The following THAP6 variants were observed in gnomAD, a reference collection of about 807,000 sequenced individuals.
The protein encoded by THAP6 is THAP domain containing 6, also known as THAP domain-containing protein 6.
THAP6 carries 13 observed loss-of-function variants against 20.0 expected under a neutral mutation model. The observed-to-expected ratio is 0.65, with a 90% CI of 0.42 to 1.03. THAP6 has a LOEUF of 1.03. Among genes scored for constraint, THAP6 ranks in the 50% least tolerant of loss-of-function variants. The pLI, the probability that THAP6 is intolerant of heterozygous loss-of-function variation, is 0.00. For synonymous variants in THAP6, 93 were observed against 92.2 expected, an observed-to-expected ratio of 1.01 and a Z score of -0.05; for missense variants, 262 against 261.6, an observed-to-expected ratio of 1.00 and a Z score of -0.01.
chr4:75,519,763 A>G (rs1449284968), intron 3 of THAP6, among the ~76,000 whole-genome samples: 33 of 151,476 alleles, frequency 2.2e-4, no homozygotes, highest in Non-Finnish European at 4.4e-4. Flanking sequence ...AGTCTTTGCT[A>G]TTGTGAATAA....
At chr4:75,532,175 A>G (rs753426021), downstream of THAP6, among the ~76,000 whole-genome samples, 2 of 152,212 alleles carry the variant, frequency 1.3e-5, no homozygotes, top group Non-Finnish European at 2.9e-5. Flanking sequence ...TCCTAGATAC[A>G]ATGAGGTACA....
chr4:75,517,499 AG>A (rs1725737275), intron 3 of THAP6: 1 of 152,470 alleles, frequency 6.6e-6, no homozygotes, highest in African/African-American at 2.4e-5. Flanking sequence ...TATATTACTA[AG>A]GTTTGATGAA....
chr4:75,513,967 A>C, upstream of THAP6: 3 of 533,510 alleles, frequency 5.6e-6, no homozygotes, highest in Non-Finnish European at 9.5e-6. Context: ...GTGCAAGCCT[A>C]ATCACTTCCC....
intron 4 of THAP6, among the ~76,000 whole-genome samples, chr4:75,523,800 C>CAAAA (rs74684663): frequency 2.5e-4 from 18 of 72,684 alleles, no homozygotes; most frequent in South Asian, 6.0e-4. Flanking sequence ...GAACCTGTCT[C>CAAAA]AAAAAAAAAA....
Position 75,516,947 on chromosome 4 carries a change from C to A in THAP6, c.256C>A (p.Pro86Thr). 6.2e-7 allele frequency: 1 copy of A among 1,613,472 alleles called. No homozygotes were observed. The highest frequency in any genetic ancestry group is 8.5e-7 in the Non-Finnish European group (1 of 1,179,872). Residue 86 changes from proline to threonine, a missense_variant, in exon 3 of 5, where the codon CCT becomes ACT. Pro to Thr is a conservative substitution (Grantham distance 38). Coordinates refer to ENST00000311638, the MANE Select transcript of THAP6 (RefSeq NM_144721.6). ...PNIKLKPGVI[P>T]SIFDSPYHLQ... ...TATTAAACTGAAACCTGGAGTCATA[C>A]CTTCTATCTTTGATTCTCCATATCA... is the stretch of plus-strand genomic sequence containing the variant.
At chr4:75,547,189 A>G (rs796761836) in intron 3 of THAP6, among the ~76,000 whole-genome samples, 1 of 152,256 alleles carries the variant, frequency 6.6e-6, no homozygotes, top group South Asian at 2.1e-4. Flanking sequence ...TTTCACAACT[A>G]TTTGCTGAGT....
At chr4:75,542,238 C>T (rs1188804760) in intron 2 of THAP6, among the ~76,000 whole-genome samples, 5 of 152,208 alleles carry the variant, frequency 3.3e-5, no homozygotes, top group African/African-American at 1.2e-4. Flanking sequence ...CAAATGACTG[C>T]CTCCATCCCT....
upstream of THAP6, chr4:75,514,308 T>G (rs1426984394): frequency 3.1e-6 from 5 of 1,601,464 alleles, no homozygotes; most frequent in South Asian, 5.5e-5. Context: ...CCCCTCACAT[T>G]CCACCGATCC....
intron 2 of THAP6, among the ~76,000 whole-genome samples, chr4:75,537,111 T>C (rs886831854): frequency 6.6e-6 from 1 of 151,678 alleles, no homozygotes; most frequent in African/African-American, 2.4e-5. Flanking sequence ...ACAAGTGTTG[T>C]CAAAAAAAAA....
At chr4:75,516,726 A>G in intron 2 of THAP6, 46 bp from the exon 3 acceptor site, 2 of 1,528,966 alleles carry the variant, frequency 1.3e-6, no homozygotes, top group Non-Finnish European at 1.8e-6. Context: ...TCAATTATAT[A>G]GCAATAGTAT....
At chr4:75,539,812 A>G in intron 2 of THAP6, 1 of 1,535,626 alleles carries the variant, frequency 6.5e-7, no homozygotes, top group Non-Finnish European at 8.7e-7. Flanking sequence ...ACAATGAGCC[A>G]TCCACATACT....
intron 2 of THAP6, among the ~76,000 whole-genome samples, chr4:75,536,502 G>T (rs1726858819): frequency 6.6e-6 from 1 of 152,112 alleles, no homozygotes; most frequent in Non-Finnish European, 1.5e-5. Context: ...GCTGGATACA[G>T]ACAGTTACTT....
At chr4:75,531,752 CA>C (rs1309130768), downstream of THAP6, among the ~76,000 whole-genome samples, 1 of 149,910 alleles carries the variant, frequency 6.7e-6, no homozygotes, top group Non-Finnish European at 1.5e-5. Context: ...TGACAGCAGG[CA>C]AAAAGAGCTT....
upstream of THAP6, chr4:75,514,052 T>C: frequency 2.3e-6 from 3 of 1,332,496 alleles, no homozygotes; most frequent in Non-Finnish European, 3.0e-6. Flanking sequence ...AACGTTCTCC[T>C]CAAGAAGAAC....
chr4:75,514,344 A>T (rs566593181), upstream of THAP6: 88 of 1,566,478 alleles, frequency 5.6e-5, no homozygotes, highest in African/African-American at 1.1e-3. Flanking sequence ...AACCACGCCC[A>T]GAGAAGCTGC....
At position 75,515,444 on chromosome 4, in the gene THAP6, G is replaced by A. The variant is rs1725513978; in HGVS notation, c.-9G>A. The A allele has an allele frequency of 6.2e-7, 1 of 1,613,138 alleles. No homozygotes were observed. The highest frequency in any genetic ancestry group is 8.5e-7 in the Non-Finnish European group (1 of 1,179,156). ...TAATTTTCTTTCAGTTTTGTTATGA[G>A]TTGCTAAAATGGTGAAATGCTGCTC... is the stretch of plus-strand genomic sequence containing the variant. On this transcript the variant is annotated 5_prime_UTR_variant, in exon 2 of 5. Coordinates refer to ENST00000311638, the MANE Select transcript of THAP6 (RefSeq NM_144721.6).
chr4:75,537,879 G>T (rs12649508), intron 2 of THAP6, among the ~76,000 whole-genome samples: 56,086 of 151,870 alleles, frequency 0.37, 11,170 homozygotes, highest in African/African-American at 0.52. Context: ...AGGAAATGAA[G>T]TCTCCCAGAG....
At chr4:75,534,800 A>T (rs2148828519), downstream of THAP6, among the ~76,000 whole-genome samples, 1 of 152,376 alleles carries the variant, frequency 6.6e-6, no homozygotes, top group South Asian at 2.1e-4. Flanking sequence ...CAACAGACAC[A>T]TGAAAAAAAT....
Position 75,529,680 on chromosome 4 carries a change from T to G in THAP6, c.*2466T>G. On this transcript the variant is annotated 3_prime_UTR_variant, in exon 5 of 5. Transcript: ENST00000311638. ...AACCCAAGTCATCCCCCTCCAGAAA[T>G]TTCTCTGGCAGCCAAGCCTGACCCT... 1 of 985,440 alleles carries G rather than the reference T, an allele frequency of 1.0e-6. No individual in the cohort carries two copies. The highest frequency in any genetic ancestry group is 1.2e-6 in the Non-Finnish European group (1 of 829,956). 61.0% of individuals were successfully genotyped at this position (985,440 alleles called of 1,614,324 possible). A position where few individuals can be genotyped will look rare whatever the true frequency, so the allele number is the denominator to read the frequency against.
Sources: allele counts gnomAD v4.1 joint callset (sites outside exome capture counted in the v4.1 genomes callset), GRCh38; gene constraint gnomAD v4.1.1; transcripts MANE v1.5; gene names NCBI Gene and HGNC (gene_info 2026-07-23, HGNC 2026-07-21).